CNGB3: variants seen among roughly 807,000 people sequenced by gnomAD.
The protein encoded by CNGB3 is cyclic nucleotide gated channel subunit beta 3, also known as cyclic nucleotide-gated channel beta-3.
In CNGB3, 86 loss-of-function variants were observed where a neutral mutation model predicts 92.8. The ratio of observed to expected loss-of-function variants is 0.93; its 90% confidence interval spans 0.78 to 1.11. CNGB3 has a LOEUF of 1.11. CNGB3 is among the 50% of genes least tolerant of loss of function. The pLI, the probability that CNGB3 is intolerant of heterozygous loss-of-function variation, is 0.00. For synonymous variants in CNGB3, 333 were observed against 332.7 expected (o/e 1.00, Z -0.01); for missense variants, 1,026 against 956.8 (o/e 1.07, Z -0.95).
chr8:86,591,737 C>T (rs1822042612), intron 15 of CNGB3, among the ~76,000 whole-genome samples: 1 of 152,212 alleles, frequency 6.6e-6, no homozygotes, highest in South Asian at 2.1e-4. Context: ...CCACTGCTCT[C>T]TTCAAAGCTG....
At chr8:86,606,818 C>T (rs1282771778) in intron 14 of CNGB3, among the ~76,000 whole-genome samples, 3 of 152,156 alleles carry the variant, frequency 2.0e-5, no homozygotes, top group Non-Finnish European at 4.4e-5. Context: ...TCGCAGGTGA[C>T]AGCGCCAGAA....
intron 10 of CNGB3, among the ~76,000 whole-genome samples, chr8:86,641,816 A>G (rs1028095761): frequency 6.6e-6 from 1 of 151,932 alleles, no homozygotes; most frequent in Non-Finnish European, 1.5e-5. Context: ...AATTGTATTC[A>G]TTTAGAAACT....
intron 3 of CNGB3, among the ~76,000 whole-genome samples, chr8:86,720,687 T>C (rs532854345): frequency 6.6e-6 from 1 of 152,114 alleles, no homozygotes; most frequent in African/African-American, 2.4e-5. Context: ...AGCAAAAAGG[T>C]ACTTGCGCAT....
At chr8:86,730,888 A>G (rs1825144890) in intron 2 of CNGB3, among the ~76,000 whole-genome samples, 1 of 152,190 alleles carries the variant, frequency 6.6e-6, no homozygotes, top group African/African-American at 2.4e-5. Context: ...GGGTTTTAAA[A>G]TGGCATTCAG....
At chr8:86,694,826 A>C (rs1824414809) in intron 3 of CNGB3, among the ~76,000 whole-genome samples, 1 of 150,546 alleles carries the variant, frequency 6.6e-6, no homozygotes, top group Non-Finnish European at 1.5e-5. Flanking sequence ...CTGAGCAGCC[A>C]GGCAGAGGGG....
At chr8:86,608,868 C>T (rs1383698348) in intron 14 of CNGB3, among the ~76,000 whole-genome samples, 1 of 152,146 alleles carries the variant, frequency 6.6e-6, no homozygotes, top group Non-Finnish European at 1.5e-5. Flanking sequence ...CAATAAATAA[C>T]AGCACAGCCA....
At chr8:86,613,830 T>C (rs1023895081) in intron 13 of CNGB3, among the ~76,000 whole-genome samples, 1 of 149,846 alleles carries the variant, frequency 6.7e-6, no homozygotes, top group Non-Finnish European at 1.5e-5. Context: ...TATTAGTGAT[T>C]TTAAATATTG....
chr8:86,611,258 C>A (rs1367350648), intron 14 of CNGB3, among the ~76,000 whole-genome samples: 1 of 152,132 alleles, frequency 6.6e-6, no homozygotes, highest in Non-Finnish European at 1.5e-5. Flanking sequence ...ATAAAAAAGG[C>A]TGAACCACCT....
chr8:86,673,805 G>A (rs1823912373), intron 3 of CNGB3, among the ~76,000 whole-genome samples: 1 of 152,026 alleles, frequency 6.6e-6, no homozygotes, highest in Non-Finnish European at 1.5e-5. Context: ...TTTTGTGTGT[G>A]TATCTTCAGT....
At chr8:86,661,966 C>G in intron 6 of CNGB3, 1 of 554,060 alleles carries the variant, frequency 1.8e-6, no homozygotes, top group South Asian at 2.4e-5. Context: ...ATGGAACAGT[C>G]CTGGCCTCCG....
chr8:86,729,253 A>C (rs1184141077), intron 2 of CNGB3, among the ~76,000 whole-genome samples: 1 of 152,004 alleles, frequency 6.6e-6, no homozygotes, highest in Admixed American at 6.6e-5. Flanking sequence ...TACCTCCTCC[A>C]TCTCTCATTC....
At chr8:86,661,515 T>A (rs187591966) in intron 6 of CNGB3, 283 of 660,660 alleles carry the variant, frequency 4.3e-4, no homozygotes, top group Non-Finnish European at 3.4e-4. Context: ...AAACACCACA[T>A]CACATTTAAA....
At chr8:86,731,977 C>T (rs925139412) in intron 2 of CNGB3, among the ~76,000 whole-genome samples, 6 of 152,136 alleles carry the variant, frequency 3.9e-5, no homozygotes, top group African/African-American at 1.2e-4. Flanking sequence ...TTCCATAAGT[C>T]AGCTATATTC....
chr8:86,589,303 T>C (rs1821970611), intron 15 of CNGB3, among the ~76,000 whole-genome samples: 1 of 151,178 alleles, frequency 6.6e-6, no homozygotes, highest in East Asian at 1.9e-4. Flanking sequence ...CTGGATTCAT[T>C]AATTTTTTGA....
intron 3 of CNGB3, among the ~76,000 whole-genome samples, chr8:86,713,670 A>G (rs1824792440): frequency 6.6e-6 from 1 of 152,198 alleles, no homozygotes; most frequent in African/African-American, 2.4e-5. Flanking sequence ...CTCTGATCTT[A>G]CAATATTAAA....
At chr8:86,681,824 A>C (rs1239120237) in intron 3 of CNGB3, among the ~76,000 whole-genome samples, 2 of 152,164 alleles carry the variant, frequency 1.3e-5, no homozygotes, top group Non-Finnish European at 2.9e-5. Context: ...AAAATTTCCC[A>C]GGGAAAATAA....
At chr8:86,645,486 A>C (rs1034160201) in intron 8 of CNGB3, among the ~76,000 whole-genome samples, 2 of 151,238 alleles carry the variant, frequency 1.3e-5, no homozygotes, top group Admixed American at 1.3e-4. Context: ...ATCAATAAGA[A>C]AAGATGCCCC....
In CNGB3 at chr8:86,628,714, C is replaced by A. The variant is rs927687419; in HGVS notation, c.1480+205G>T. 2.0e-5 allele frequency among the ~76,000 whole-genome samples: 3 copies of A among 151,868 alleles called. No homozygotes were observed. The East Asian group carries it at 5.8e-4, about 29-fold the overall frequency. ...CAGAAGATGCTGATTAAAATTTAGCCTTTTCTCTTCCAAGGTTTTCAAAAC... is the reference window on the plus strand; with the variant it reads ...CAGAAGATGCTGATTAAAATTTAGCATTTTCTCTTCCAAGGTTTTCAAAAC... On this transcript the variant is annotated intron_variant, in intron 12 of 17. Transcript: ENST00000320005.
rs765359786 is a variant in CNGB3 at position 86,625,949 on chromosome 8, A to T, written c.1578+34T>A. On this transcript the variant is annotated intron_variant, in intron 13 of 17. Coordinates refer to ENST00000320005, the MANE Select transcript of CNGB3 (RefSeq NM_019098.5). ...AAGAGCTTAGATTCCATAGAGAAAT[A>T]GATACAGAGTCTATTAATTGTAAAA... 23 of 1,508,660 alleles carry T rather than the reference A, an allele frequency of 1.5e-5. No individual in the cohort carries two copies. In the Admixed American group the frequency reaches 3.7e-4, roughly 24 times the overall value. 93.5% of individuals were successfully genotyped at this position (1,508,660 alleles called of 1,614,324 possible).
Sources: allele counts gnomAD v4.1 joint callset (sites outside exome capture counted in the v4.1 genomes callset), GRCh38; gene constraint gnomAD v4.1.1; transcripts MANE v1.5; gene names NCBI Gene and HGNC (gene_info 2026-07-23, HGNC 2026-07-21).